SORBS3: variants seen among roughly 807,000 people sequenced by gnomAD.
SORBS3 encodes the protein vinexin.
In SORBS3, 69 loss-of-function variants were observed where a neutral mutation model predicts 98.0. That is an observed-to-expected ratio of 0.70 (90% CI 0.58 to 0.86). SORBS3 has a LOEUF of 0.86. Ranked by LOEUF, SORBS3 falls within the 40% of genes least tolerant of loss-of-function variation. The pLI is 0.00. For synonymous variants in SORBS3, 394 were observed against 355.4 expected, an observed-to-expected ratio of 1.11 and a Z score of -1.22; for missense variants, 954 against 908.5, an observed-to-expected ratio of 1.05 and a Z score of -0.64.
chr8:22,556,550 TAAAC>T (rs971585081), intron 3 of SORBS3, 161 bp from the exon 4 acceptor site: 28 of 635,032 alleles, frequency 4.4e-5, no homozygotes, highest in Non-Finnish European at 6.9e-5. Flanking sequence ...TAAATTCACT[TAAAC>T]AAACAGAGGC....
Position 22,554,480 on chromosome 8 carries a change from C to T in SORBS3, c.-27C>T, listed in dbSNP as rs1285226013. On this transcript the variant is annotated 5_prime_UTR_variant, in exon 2 of 21. Transcript: ENST00000240123. This position sits in a 1 kb window ranked among gnomAD's most constrained non-coding sequence, Gnocchi z 6.5. The stretch of plus-strand genomic sequence containing the variant: ...ACACGCAGAGGAGCAGCTGGCTTGC[C>T]CGGAGTCCTCCCACCTTGACCCAAG... 1 of 1,602,640 alleles carries T rather than the reference C, an allele frequency of 6.2e-7. No individual in the cohort carries two copies. Among genetic ancestry groups the T allele is most frequent in the African/African-American group, 1.3e-5 (1 of 74,836 alleles).
chr8:22,547,488 C>A (rs1840027950), upstream of SORBS3, among the ~76,000 whole-genome samples: 1 of 152,200 alleles, frequency 6.6e-6, no homozygotes, highest in South Asian at 2.1e-4. Context: ...CAAGGTTCTT[C>A]TTTGTTTGGA....
intron 1 of SORBS3, among the ~76,000 whole-genome samples, chr8:22,545,938 A>G (rs2469776): frequency 0.48 from 73,616 of 151,988 alleles, 17,965 homozygotes; most frequent in East Asian, 0.62. Flanking sequence ...TGTTTTTCCC[A>G]ATAGTTCTGT....
intron 17 of SORBS3, among the ~76,000 whole-genome samples, chr8:22,570,390 C>T (rs1840542387): frequency 6.6e-6 from 1 of 152,196 alleles, no homozygotes; most frequent in Admixed American, 6.5e-5. Flanking sequence ...ACAAGGTCCC[C>T]CAGCGTGAGG....
chr8:22,560,832 CGTGT>C (rs56159823), intron 5 of SORBS3: 11,746 of 134,914 alleles, frequency 0.087, 531 homozygotes, highest in African/African-American at 0.12. Context: ...GCAGCGCATG[CGTGT>C]GTGTGTGTGT....
rs754370780 is a variant in SORBS3 at position 22,558,157 on chromosome 8, G to A, written c.443G>A (p.Arg148Gln). The A allele has an allele frequency of 5.0e-6, 8 of 1,614,052 alleles. No homozygotes were observed. Among genetic ancestry groups the A allele is most frequent in the Admixed American group, 3.3e-5 (2 of 59,998 alleles). The part of the protein sequence containing the change: ...SSVDRPRDWY[R>Q]RMFQQIHRKM... ...GTTGACAGACCCAGAGACTGGTACC[G>A]GAGAATGTTCCAGCAGATTCACCGG... The change falls in exon 5 of 21, where the codon CGG (arginine) becomes CAG (glutamine). Residue 148 changes from arginine (R) to glutamine (Q), a missense_variant. Coordinates refer to ENST00000240123, the MANE Select transcript of SORBS3 (RefSeq NM_005775.5).
At chr8:22,565,957 G>A in intron 12 of SORBS3, 85 bp downstream of exon 12, 2 of 932,102 alleles carry the variant, frequency 2.1e-6, no homozygotes, top group Non-Finnish European at 2.8e-6. Context: ...GGCGGACGGG[G>A]GCGATCGCGG....
intron 4 of SORBS3, 64 bp downstream of exon 4, chr8:22,556,972 T>C (rs1840195090): frequency 6.4e-7 from 1 of 1,565,010 alleles, no homozygotes; most frequent in African/African-American, 1.4e-5. Context: ...GCTGCACTTC[T>C]GTGCATTAAA....
chr8:22,561,510 C>A, intron 6 of SORBS3, 137 bp downstream of exon 6: 2 of 904,206 alleles, frequency 2.2e-6, no homozygotes, highest in African/African-American at 1.6e-5. Context: ...TTTTATAGCT[C>A]ATTTCCAGAG....
intron 1 of SORBS3, among the ~76,000 whole-genome samples, chr8:22,552,318 C>G (rs1002099787): frequency 3.9e-5 from 6 of 152,160 alleles, no homozygotes; most frequent in African/African-American, 1.4e-4. Context: ...TCCCCTCTCC[C>G]GCTCCAGGGG....
intron 17 of SORBS3, 28 bp downstream of exon 17, chr8:22,569,301 G>A: frequency 6.4e-7 from 1 of 1,551,984 alleles, no homozygotes. Context: ...CGGAGGGGTG[G>A]GTGGGGGCAG....
intron 19 of SORBS3, 32 bp from the exon 20 acceptor site, chr8:22,572,308 A>G (rs1353965055): frequency 6.3e-7 from 1 of 1,586,910 alleles, no homozygotes; most frequent in Non-Finnish European, 8.7e-7. Flanking sequence ...CTCTGGGCCC[A>G]TTCTCTGGTT....
rs927854293 is a variant in SORBS3 at position 22,557,584 on chromosome 8, T to C, written c.415-545T>C. On this transcript the variant is annotated intron_variant, in intron 4 of 20. Coordinates refer to ENST00000240123, the MANE Select transcript of SORBS3 (RefSeq NM_005775.5). ...ACTTTGGGAGGTCAAGGCGGGAGGA[T>C]TGCTTGAAACCAAGAGTTCCAGACC... Among the ~76,000 whole-genome samples, 4 of 152,120 alleles carry C rather than the reference T, an allele frequency of 2.6e-5. No individual in the cohort carries two copies. The South Asian group carries it at 6.2e-4, about 24-fold the overall frequency.
At chr8:22,561,423 G>C in intron 6 of SORBS3, 50 bp downstream of exon 6, 2 of 1,605,854 alleles carry the variant, frequency 1.2e-6, no homozygotes, top group Non-Finnish European at 8.5e-7. Context: ...GCCTGCGTCC[G>C]CCCCTCCCTG....
chr8:22,560,035 C>G (rs2117237302), intron 5 of SORBS3, among the ~76,000 whole-genome samples: 1 of 150,616 alleles, frequency 6.6e-6, no homozygotes, highest in African/African-American at 2.4e-5. Context: ...CCACTGCACT[C>G]CAGCCTGGGT....
At chr8:22,555,095 G>A (rs1351326421) in intron 3 of SORBS3, 115 bp downstream of exon 3, 3 of 885,230 alleles carry the variant, frequency 3.4e-6, no homozygotes, top group East Asian at 2.4e-5. Flanking sequence ...TCAAGGCCAT[G>A]AGGAGGTTCC....
intron 5 of SORBS3, among the ~76,000 whole-genome samples, chr8:22,558,484 A>C (rs965510078): frequency 3.9e-5 from 6 of 152,232 alleles, no homozygotes; most frequent in African/African-American, 1.4e-4. Context: ...TTCCCTGCCA[A>C]GCTGGAATGC....
At chr8:22,563,927 C>A in intron 7 of SORBS3, 60 bp from the exon 8 acceptor site, 3 of 1,319,130 alleles carry the variant, frequency 2.3e-6, no homozygotes, top group African/African-American at 1.4e-5. Flanking sequence ...GGGCTGTGTG[C>A]TGGCTTCTGC....
chr8:22,553,835 A>G (rs891245971), intron 1 of SORBS3, among the ~76,000 whole-genome samples: 4 of 151,412 alleles, frequency 2.6e-5, no homozygotes, highest in African/African-American at 9.7e-5. Context: ...TCATTCTGTG[A>G]AGGAGGCCAA....
Sources: gnomAD v4.1 joint callset for allele counts (sites outside exome capture counted in the v4.1 genomes callset) on GRCh38, gnomAD v4.1.1 for gene constraint, Gnocchi (gnomAD v3.1) non-coding constraint, MANE v1.5 for transcripts, NCBI Gene and HGNC (gene_info 2026-07-23, HGNC 2026-07-21) for gene names.